The following MRPS30 variants were observed in gnomAD, a reference collection of about 807,000 sequenced individuals.
MRPS30 encodes large ribosomal subunit protein mL65.
Under a neutral mutation model 43.8 loss-of-function variants are expected in MRPS30, and 42 were observed. The observed-to-expected ratio is 0.96, with a 90% CI of 0.75 to 1.24. The LOEUF is 1.24. MRPS30 is among the 50% of genes most tolerant of loss of function. The pLI is 0.00. For missense variants in MRPS30, 638 were observed against 570.0 expected (o/e 1.12, Z -1.22); for synonymous variants, 273 against 228.2 (o/e 1.20, Z -1.77).
chr5:44,814,515 TC>T (rs1742889102), intron 4 of MRPS30, among the ~76,000 whole-genome samples: 2 of 152,206 alleles, frequency 1.3e-5, no homozygotes, highest in Non-Finnish European at 2.9e-5. Flanking sequence ...ACAGTATTAC[TC>T]ATTTGCTATC....
chr5:44,813,226 G>T lies in MRPS30; in HGVS notation c.974G>T (p.Arg325Ile). ...NCADQIEVVFRANAIASLFAW... is the reference protein window; with the variant it reads ...NCADQIEVVFIANAIASLFAW... Reference sequence around the variant, plus strand: ...GCTGATCAGATAGAAGTTGTTTTTAGAGCTAATGCTATTGCAAGCCTTTTT... The same window carrying T: ...GCTGATCAGATAGAAGTTGTTTTTATAGCTAATGCTATTGCAAGCCTTTTT... The change falls in exon 4 of 5, where the codon AGA becomes ATA. Residue 325 changes from arginine to isoleucine, a missense_variant. By Grantham distance (97) the Arg-to-Ile change is moderately conservative (BLOSUM62 -3). Transcript: ENST00000507110. The T allele has an allele frequency of 6.2e-7, 1 of 1,612,080 alleles. No individual in the cohort carries two copies. The highest frequency in any genetic ancestry group is 1.1e-5 in the South Asian group (1 of 90,590).
rs745925209 is a variant in MRPS30, at chr5:44,811,908, C to CT, written c.748-4dup. ...TGAATTTAGTATGTCTTTTCTTTTT[C>CT]TTTAAGTTTGTGCCATTGGATTATT... is the stretch of plus-strand genomic sequence containing the variant. On this transcript the variant is annotated splice_region_variant and splice_polypyrimidine_tract_variant and intron_variant, in intron 2 of 4. Transcript: ENST00000507110. 1.3e-6 allele frequency: 2 copies of CT among 1,488,310 alleles called. No homozygotes were observed. Among genetic ancestry groups the CT allele is most frequent in the African/African-American group, 2.9e-5 (2 of 69,500 alleles). 92.2% of individuals were successfully genotyped at this position (1,488,310 alleles called of 1,614,324 possible). A position where few individuals can be genotyped will look rare whatever the true frequency, so the allele number is the denominator to read the frequency against.
intron 2 of MRPS30, 65 bp from the exon 3 acceptor site, chr5:44,811,850 T>A: frequency 1.1e-6 from 1 of 927,806 alleles, no homozygotes. Context: ...TTAAATCTAA[T>A]GAGTGTGAGT....
Position 44,815,231 on chromosome 5 carries a change from A to T in MRPS30, c.*29A>T. ...AGCATATTTGATTGAGAACTGTGGGAATATTTAAATTTTACTGAAGGAACA... is the reference window on the plus strand; with the variant it reads ...AGCATATTTGATTGAGAACTGTGGGTATATTTAAATTTTACTGAAGGAACA... On this transcript the variant is annotated 3_prime_UTR_variant, in exon 5 of 5. Transcript: ENST00000507110. 6.6e-7 allele frequency: 1 copy of T among 1,517,146 alleles called. No homozygotes were observed. The highest frequency in any genetic ancestry group is 8.8e-7 in the Non-Finnish European group (1 of 1,137,056). The allele number at this position is 1,517,146 out of a possible 1,614,324, so 94.0% of individuals were successfully genotyped here.
intron 2 of MRPS30, 83 bp downstream of exon 2, chr5:44,811,237 A>C: frequency 6.9e-7 from 1 of 1,455,454 alleles, no homozygotes; most frequent in South Asian, 1.4e-5. Context: ...TCTTAGTAGA[A>C]TAAAATGTTT....
At chr5:44,809,731 A>G in intron 1 of MRPS30, 168 bp downstream of exon 1, 1 of 695,234 alleles carries the variant, frequency 1.4e-6, no homozygotes, top group South Asian at 2.0e-5. Flanking sequence ...TCACTGCGTT[A>G]GGAATCTAGA....
intron 4 of MRPS30, chr5:44,813,587 A>C (rs1050885842): frequency 5.1e-6 from 1 of 195,564 alleles, no homozygotes; most frequent in African/African-American, 2.3e-5. Flanking sequence ...TTCTGCAGGT[A>C]GAAAAGGTAA....
Position 44,815,411 on chromosome 5 carries a change from C to A in MRPS30, c.*209C>A. ...CCTTTTGTTGATTTAAAAATAATTG[C>A]ATTTGTATATTGCTAACTGATAAGA... On this transcript the variant is annotated 3_prime_UTR_variant, in exon 5 of 5. Coordinates refer to ENST00000507110, the MANE Select transcript of MRPS30 (RefSeq NM_016640.4). 1 of 468,318 alleles carries A rather than the reference C, an allele frequency of 2.1e-6. No individual in the cohort carries two copies. The highest frequency in any genetic ancestry group is 3.7e-6 in the Non-Finnish European group (1 of 270,210). The allele number at this position is 468,318 out of a possible 1,614,324, so 29.0% of individuals were successfully genotyped here.
In MRPS30 at chr5:44,808,981, T is replaced by C. The variant is rs1028096209; in HGVS notation, c.19T>C (p.Trp7Arg). Reference sequence around the variant, plus strand: ...GGCAAAGATGGCGGCGGCCAGGTGTTGGAGGCCTTTGCTACGCGGTCCGAG... The same window carrying C: ...GGCAAAGATGGCGGCGGCCAGGTGTCGGAGGCCTTTGCTACGCGGTCCGAG... MAAARC[W>R]RPLLRGPRLS... The change falls in exon 1 of 5, where the codon TGG (tryptophan) becomes CGG (arginine). Residue 7 changes from tryptophan to arginine, a missense_variant. By Grantham distance (101) the Trp-to-Arg change is moderately radical (BLOSUM62 -3). Transcript: ENST00000507110. 3 of 1,604,334 alleles carry C rather than the reference T, an allele frequency of 1.9e-6. No individual in the cohort carries two copies. The highest frequency in any genetic ancestry group is 1.1e-5 in the South Asian group (1 of 89,682).
In MRPS30 at chr5:44,809,129, A is replaced by G. The variant is rs749175489; in HGVS notation, c.167A>G (p.Lys56Arg). 1 of 1,612,160 alleles carries G rather than the reference A, an allele frequency of 6.2e-7. No individual in the cohort carries two copies. Among genetic ancestry groups the G allele is most frequent in the Non-Finnish European group, 8.5e-7 (1 of 1,179,582 alleles). ...GTGGCCTCCATGACAGCCGACAGCA[A>G]AGCTGCACGGCTGCGGCGGATCGAG... ...PIVASMTADS[K>R]AARLRRIERW... The change falls in exon 1 of 5, where the codon AAA (lysine) becomes AGA (arginine). Residue 56 changes from lysine (K) to arginine (R), a missense_variant. By Grantham distance (26) the Lys-to-Arg change is conservative. Transcript: ENST00000507110.
intron 4 of MRPS30, 104 bp from the exon 5 acceptor site, chr5:44,814,809 C>T (rs1004380342): frequency 6.7e-5 from 69 of 1,031,362 alleles, no homozygotes; most frequent in Non-Finnish European, 9.6e-5. Context: ...CATAAAGTAT[C>T]TAAGTTGTAG....
In MRPS30 at chr5:44,809,156, G is replaced by T. The variant is rs558683696; in HGVS notation, c.194G>T (p.Arg65Leu). 1.9e-6 allele frequency: 3 copies of T among 1,611,688 alleles called. No homozygotes were observed. The highest frequency in any genetic ancestry group is 3.3e-5 in the Admixed American group (2 of 59,888). ...GCTGCACGGCTGCGGCGGATCGAGC[G>T]CTGGCAGGCGACGGTGCACGCTGCG... ...SKAARLRRIE[R>L]WQATVHAAES... Residue 65 changes from arginine to leucine, a missense_variant, in exon 1 of 5, where the codon CGC becomes CTC. Coordinates refer to ENST00000507110, the MANE Select transcript of MRPS30 (RefSeq NM_016640.4).
chr5:44,809,480 C>A lies in MRPS30; in HGVS notation c.518C>A (p.Ser173Tyr), dbSNP rs1407960804. 1.2e-6 allele frequency: 2 copies of A among 1,614,000 alleles called. No homozygotes were observed. Among genetic ancestry groups the A allele is most frequent in the Non-Finnish European group, 1.7e-6 (2 of 1,180,002 alleles). The change falls in exon 1 of 5, where the codon TCT becomes TAT. Residue 173 changes from serine to tyrosine, a missense_variant. Physicochemically the swap from Ser to Tyr is moderately radical, Grantham distance 144. Transcript: ENST00000507110. The stretch of plus-strand genomic sequence containing the variant: ...CGTTACGAGGAGAGCGAGGTCATAT[C>A]TTTGCCCTTCCTGGATCAGCTGGTG... ...VHRYEESEVI[S>Y]LPFLDQLVST...
Position 44,809,176 on chromosome 5 carries a change from G to C in MRPS30, c.214G>C (p.Ala72Pro), listed in dbSNP as rs1318005387. 1.9e-6 allele frequency: 3 copies of C among 1,612,294 alleles called. No individual in the cohort carries two copies. Among genetic ancestry groups the C allele is most frequent in the Non-Finnish European group, 2.5e-6 (3 of 1,179,638 alleles). ...RIERWQATVHAAESVDEKLRI... is the reference protein window; with the variant it reads ...RIERWQATVHPAESVDEKLRI... Reference sequence around the variant, plus strand: ...CGAGCGCTGGCAGGCGACGGTGCACGCTGCGGAGTCGGTAGACGAGAAGCT... The same window carrying C: ...CGAGCGCTGGCAGGCGACGGTGCACCCTGCGGAGTCGGTAGACGAGAAGCT... Residue 72 changes from alanine to proline, a missense_variant, in exon 1 of 5, where the codon GCT (alanine) becomes CCT (proline). By Grantham distance (27) the Ala-to-Pro change is conservative. Transcript: ENST00000507110.
At position 44,809,137 on chromosome 5, in the gene MRPS30, C is replaced by A. The variant is rs1485600367; in HGVS notation, c.175C>A (p.Arg59=). 6.2e-7 allele frequency: 1 copy of A among 1,611,580 alleles called. No individual in the cohort carries two copies. Among genetic ancestry groups the A allele is most frequent in the South Asian group, 1.1e-5 (1 of 90,918 alleles). The part of the protein sequence containing the change: ...ASMTADSKAA[R]LRRIERWQAT... ...CATGACAGCCGACAGCAAAGCTGCA[C>A]GGCTGCGGCGGATCGAGCGCTGGCA... Residue 59 remains arginine (R), a synonymous_variant, in exon 1 of 5, where the codon CGG becomes AGG. Coordinates refer to ENST00000507110, the MANE Select transcript of MRPS30 (RefSeq NM_016640.4).
chr5:44,810,373 T>C (rs1336579146), intron 1 of MRPS30, among the ~76,000 whole-genome samples: 6 of 152,230 alleles, frequency 3.9e-5, no homozygotes. Flanking sequence ...AGGGCGGACA[T>C]GAAAAGTAAT....
chr5:44,813,607 G>T, intron 4 of MRPS30: 1 of 178,034 alleles, frequency 5.6e-6, no homozygotes, highest in Non-Finnish European at 1.2e-5. Context: ...ATGATTTTGT[G>T]GATTAAATAT....
chr5:44,815,126 A>T lies in MRPS30; in HGVS notation c.1244A>T (p.Asp415Val), dbSNP rs752807687. Residue 415 changes from aspartate (D) to valine (V), a missense_variant, in exon 5 of 5, where the codon GAT (aspartate) becomes GTT (valine). Coordinates refer to ENST00000507110, the MANE Select transcript of MRPS30 (RefSeq NM_016640.4). Reference protein sequence around the residue: ...IEDNDVKGFNDDVLLQIVHFL... With the variant: ...IEDNDVKGFNVDVLLQIVHFL... ...GATAATGATGTGAAAGGTTTTAATG[A>T]TGATGTTCTACTTCAGATAGTTCAC... 44 of 1,612,716 alleles carry T rather than the reference A, an allele frequency of 2.7e-5. No individual in the cohort carries two copies. Among genetic ancestry groups the T allele is most frequent in the Non-Finnish European group, 3.6e-5 (42 of 1,179,162 alleles).
chr5:44,809,694 A>C, intron 1 of MRPS30, 131 bp downstream of exon 1: 1 of 1,064,890 alleles, frequency 9.4e-7, no homozygotes, highest in Non-Finnish European at 1.3e-6. Context: ...TTTCGTTCCT[A>C]TCTGGGGTGG....
Sources: gnomAD v4.1 joint callset for allele counts (sites outside exome capture counted in the v4.1 genomes callset) on GRCh38, gnomAD v4.1.1 for gene constraint, MANE v1.5 for transcripts, NCBI Gene and HGNC (gene_info 2026-07-23, HGNC 2026-07-21) for gene names.